Variants in PEAK1 observed in about 807,000 individuals in gnomAD.
PEAK1 encodes the protein pseudopodium enriched atypical kinase 1, also known as inactive tyrosine-protein kinase PEAK1.
PEAK1 carries 54 observed loss-of-function variants against 124.7 expected under a neutral mutation model. The observed-to-expected ratio is 0.43, with a 90% confidence interval of 0.35 to 0.54. The LOEUF (loss-of-function observed/expected upper bound fraction) is 0.54. Among genes scored for constraint, PEAK1 ranks in the 20% least tolerant of loss-of-function variants. The probability of loss-of-function intolerance (pLI) is 0.01; values close to 1 mark genes in which losing one functional copy is unlikely to be tolerated. For missense variants in PEAK1, 2,046 were observed against 2,134.5 expected (o/e 0.96, Z 0.82); for synonymous variants, 719 against 760.0 (o/e 0.95, Z 0.89).
chr15:77,239,714 C>G (rs1161384635), intron 6 of PEAK1: 5 of 474,140 alleles, frequency 1.1e-5, no homozygotes, highest in Non-Finnish European at 1.4e-5. Flanking sequence ...AGCTGACAAT[C>G]ATTACCAGAT....
chr15:77,180,435 T>C lies in PEAK1; in HGVS notation c.1492A>G (p.Thr498Ala). The part of the protein sequence containing the change: ...HLEGPVNSPK[T>A]KSSSSTPNSP... ...TTTGGAGTAGAGGATGAGCTTTTTG[T>C]CTTGGGGCTGTTAACAGGGCCCTCG... The change falls in exon 7 of 10, where the codon ACA becomes GCA. Residue 498 changes from threonine to alanine, a missense_variant. Transcript: ENST00000682557. The C allele has an allele frequency of 6.2e-7, 1 of 1,614,152 alleles. No individual in the cohort carries two copies. The highest frequency in any genetic ancestry group is 1.1e-5 in the South Asian group (1 of 91,082).
intron 2 of PEAK1, among the ~76,000 whole-genome samples, chr15:77,319,946 C>T (rs148109877): frequency 6.6e-6 from 1 of 152,282 alleles, no homozygotes; most frequent in African/African-American, 2.4e-5. Context: ...AACTACAAAG[C>T]AGAACCAACA....
intron 5 of PEAK1, among the ~76,000 whole-genome samples, chr15:77,263,045 T>C (rs2061525282): frequency 6.6e-6 from 1 of 152,144 alleles, no homozygotes; most frequent in Non-Finnish European, 1.5e-5. Flanking sequence ...AAGATGTTCT[T>C]TGAAACCAAT....
intron 1 of PEAK1, among the ~76,000 whole-genome samples, chr15:77,374,207 A>G (rs1341960663): frequency 1.3e-5 from 2 of 152,172 alleles, no homozygotes; most frequent in Non-Finnish European, 2.9e-5. Context: ...ATTAATTCAA[A>G]TGGAGAGGAA....
At chr15:77,323,544 G>A (rs2065374773) in intron 2 of PEAK1, among the ~76,000 whole-genome samples, 1 of 152,138 alleles carries the variant, frequency 6.6e-6, no homozygotes, top group Non-Finnish European at 1.5e-5. Flanking sequence ...TTGCTTCAAA[G>A]AGAATAAAAT....
intron 2 of PEAK1, among the ~76,000 whole-genome samples, chr15:77,364,198 GA>G (rs1053121198): frequency 2.6e-5 from 4 of 151,844 alleles, no homozygotes; most frequent in Non-Finnish European, 5.9e-5. Flanking sequence ...CCATCTCAAA[GA>G]AAAAAATGAG....
intron 2 of PEAK1, chr15:77,348,550 T>C (rs920199209): frequency 3.1e-6 from 3 of 965,386 alleles, no homozygotes; most frequent in Admixed American, 6.2e-5. Context: ...AATAAAAGCT[T>C]GGCAAGCTTA....
chr15:77,248,767 A>T (rs1036367197), intron 6 of PEAK1, among the ~76,000 whole-genome samples: 11 of 152,218 alleles, frequency 7.2e-5, no homozygotes, highest in Admixed American at 2.6e-4. Context: ...TGTTTCATAT[A>T]TAGTAAGCAC....
At chr15:77,308,790 T>C (rs2064254538) in intron 2 of PEAK1, among the ~76,000 whole-genome samples, 1 of 152,102 alleles carries the variant, frequency 6.6e-6, no homozygotes, top group Non-Finnish European at 1.5e-5. Flanking sequence ...CTTTTCTTGG[T>C]CCTGTACCTT....
intron 8 of PEAK1, among the ~76,000 whole-genome samples, chr15:77,144,668 G>C (rs2054043677): frequency 6.6e-6 from 1 of 152,184 alleles, no homozygotes; most frequent in African/African-American, 2.4e-5. Flanking sequence ...TCTCCTGGGA[G>C]CTAAGGAGAT....
intron 2 of PEAK1, among the ~76,000 whole-genome samples, chr15:77,289,066 C>T (rs1457121594): frequency 6.6e-6 from 1 of 152,120 alleles, no homozygotes; most frequent in Non-Finnish European, 1.5e-5. Flanking sequence ...ACAGCTATCC[C>T]TATAAAGAGC....
chr15:77,332,416 G>A lies in PEAK1; in HGVS notation c.-603+32747C>T, dbSNP rs565775730. 3.0e-3 allele frequency: 789 copies of A among 258,782 alleles called. 6 individuals are homozygous for A. Among genetic ancestry groups the A allele is most frequent in the African/African-American group, 0.017 (743 of 43,238 alleles). The allele number at this position is 258,782 out of a possible 1,614,324, so 16.0% of individuals were successfully genotyped here. ...AGATTGAGATCATCCTGGCTAACAC[G>A]GTGAAACCTCATCTGTACTAAAAAT... On this transcript the variant is annotated intron_variant, in intron 2 of 9. Coordinates refer to ENST00000682557, the MANE Select transcript of PEAK1 (RefSeq NM_001385026.1).
At chr15:77,183,462 ACAGAT>A (rs1402594850) in intron 6 of PEAK1, among the ~76,000 whole-genome samples, 1 of 152,248 alleles carries the variant, frequency 6.6e-6, no homozygotes, top group Admixed American at 6.5e-5. Flanking sequence ...AAATTTCATT[ACAGAT>A]ATGAATTAAT....
chr15:77,338,646 T>A (rs59496918), intron 2 of PEAK1, among the ~76,000 whole-genome samples: 27,367 of 114,370 alleles, frequency 0.24, 2,933 homozygotes, highest in Non-Finnish European at 0.3. Flanking sequence ...AAAAAAAAAA[T>A]ATATATATAT....
chr15:77,313,726 G>A (rs2864838), intron 2 of PEAK1, among the ~76,000 whole-genome samples: 51,518 of 108,148 alleles, frequency 0.48, 11,313 homozygotes, highest in Non-Finnish European at 0.59. Context: ...GTGTGTGTGT[G>A]TATATATATA....
At chr15:77,277,279 T>C (rs1054334713) in intron 5 of PEAK1, among the ~76,000 whole-genome samples, 2 of 152,122 alleles carry the variant, frequency 1.3e-5, no homozygotes, top group Non-Finnish European at 2.9e-5. Flanking sequence ...GACAAAATTA[T>C]AGAGATGGTT....
At chr15:77,274,249 C>T (rs552906089) in intron 5 of PEAK1, among the ~76,000 whole-genome samples, 108 of 152,050 alleles carry the variant, frequency 7.1e-4, no homozygotes, top group African/African-American at 2.4e-3. Flanking sequence ...CGAAAGCAAA[C>T]GCAACAAAAA....
intron 5 of PEAK1, among the ~76,000 whole-genome samples, chr15:77,273,581 A>C (rs768987331): frequency 6.6e-6 from 1 of 152,206 alleles, no homozygotes; most frequent in African/African-American, 2.4e-5. Context: ...GGTGAAAGTG[A>C]AAGACCTCTG....
chr15:77,273,606 A>G (rs1473917212), intron 5 of PEAK1, among the ~76,000 whole-genome samples: 1 of 152,194 alleles, frequency 6.6e-6, no homozygotes, highest in Non-Finnish European at 1.5e-5. Context: ...GAAAACTACA[A>G]AACACTGCTG....
Sources: gnomAD v4.1 joint callset for allele counts (sites outside exome capture counted in the v4.1 genomes callset) on GRCh38, gnomAD v4.1.1 for gene constraint, MANE v1.5 for transcripts, NCBI Gene and HGNC (gene_info 2026-07-23, HGNC 2026-07-21) for gene names.